TMC1: variants seen among roughly 807,000 people sequenced by gnomAD.
TMC1 encodes the protein transmembrane channel-like protein 1.
Under a neutral mutation model 105.8 loss-of-function variants are expected in TMC1, and 84 were observed. The observed-to-expected ratio is 0.79, with a 90% CI of 0.67 to 0.95. The LOEUF is 0.95. TMC1 is among the 40% of genes least tolerant of loss of function. TMC1 has a pLI of 0.00. For missense variants in TMC1, 817 were observed against 914.1 expected, an observed-to-expected ratio of 0.89 and a Z score of 1.37; for synonymous variants, 315 against 311.5, an observed-to-expected ratio of 1.01 and a Z score of -0.12.
At chr9:72,628,086 T>C (rs1564454710) in intron 4 of TMC1, 23 bp downstream of exon 4, 1 of 455,692 alleles carries the variant, frequency 2.2e-6, no homozygotes, top group Non-Finnish European at 4.4e-6. Context: ...CAGTTAAATA[T>C]TGAGCACGTT....
At chr9:72,745,768 C>T (rs1055619333) in intron 10 of TMC1, among the ~76,000 whole-genome samples, 5 of 152,130 alleles carry the variant, frequency 3.3e-5, no homozygotes, top group Non-Finnish European at 5.9e-5. Context: ...ATAGGACATG[C>T]AATGGATTTT....
intron 7 of TMC1, among the ~76,000 whole-genome samples, chr9:72,697,788 G>T (rs1450968649): frequency 6.6e-6 from 1 of 152,050 alleles, no homozygotes; most frequent in Non-Finnish European, 1.5e-5. Context: ...TGGTTGGCAA[G>T]TTAAAGGCTT....
chr9:72,722,506 C>T (rs1827044286), intron 8 of TMC1, among the ~76,000 whole-genome samples: 1 of 152,142 alleles, frequency 6.6e-6, no homozygotes, highest in Non-Finnish European at 1.5e-5. Flanking sequence ...ATTCATTTGG[C>T]TCTTCTGTTA....
At chr9:72,534,628 A>G (rs887761915) in intron 1 of TMC1, among the ~76,000 whole-genome samples, 1 of 152,230 alleles carries the variant, frequency 6.6e-6, no homozygotes, top group Non-Finnish European at 1.5e-5. Context: ...TTCAAAGGCT[A>G]TCATTAGAAA....
At chr9:72,657,213 C>T (rs770277646) in intron 5 of TMC1, among the ~76,000 whole-genome samples, 1 of 152,196 alleles carries the variant, frequency 6.6e-6, no homozygotes, top group African/African-American at 2.4e-5. Flanking sequence ...AGACCACAAG[C>T]CACTGTTTGG....
At chr9:72,522,383 G>A (rs1823328649) in intron 1 of TMC1, among the ~76,000 whole-genome samples, 1 of 152,184 alleles carries the variant, frequency 6.6e-6, no homozygotes, top group African/African-American at 2.4e-5. Context: ...TTACAGGCGT[G>A]AGCCACCGCA....
At chr9:72,559,379 C>G (rs896348799) in intron 1 of TMC1, among the ~76,000 whole-genome samples, 2 of 152,168 alleles carry the variant, frequency 1.3e-5, no homozygotes, top group African/African-American at 4.8e-5. Flanking sequence ...CAGGCGTGAG[C>G]CACTGTGCCT....
intron 1 of TMC1, among the ~76,000 whole-genome samples, chr9:72,535,728 TA>T (rs1461677342): frequency 6.6e-6 from 1 of 152,212 alleles, no homozygotes; most frequent in Non-Finnish European, 1.5e-5. Flanking sequence ...GGGCATTTGG[TA>T]AAAGCCTTAG....
At chr9:72,670,414 G>A (rs1200171807) in intron 5 of TMC1, among the ~76,000 whole-genome samples, 1 of 152,038 alleles carries the variant, frequency 6.6e-6, no homozygotes, top group African/African-American at 2.4e-5. Flanking sequence ...CTGTTTCCAG[G>A]TAACTTAAAT....
chr9:72,752,929 T>A (rs1827604196), intron 11 of TMC1, among the ~76,000 whole-genome samples: 1 of 152,200 alleles, frequency 6.6e-6, no homozygotes, highest in Non-Finnish European at 1.5e-5. Context: ...TTCTTTTACT[T>A]ACTGTGCGTC....
chr9:72,548,889 T>C (rs964430734), intron 1 of TMC1, among the ~76,000 whole-genome samples: 4 of 152,338 alleles, frequency 2.6e-5, no homozygotes, highest in Middle Eastern at 3.4e-3. Flanking sequence ...CTAAAGACGA[T>C]GTGCTGCTCC....
At chr9:72,603,871 T>C (rs1405185026) in intron 2 of TMC1, among the ~76,000 whole-genome samples, 1 of 143,714 alleles carries the variant, frequency 7.0e-6, no homozygotes, top group South Asian at 2.3e-4. Flanking sequence ...TTTTTTTTTT[T>C]TTTTTCTTTT....
intron 1 of TMC1, among the ~76,000 whole-genome samples, chr9:72,556,666 A>G (rs1446693468): frequency 4.6e-5 from 7 of 151,448 alleles, no homozygotes; most frequent in Non-Finnish European, 7.4e-5. Flanking sequence ...TGAAAATACA[A>G]AAAAAATTAG....
intron 17 of TMC1, among the ~76,000 whole-genome samples, chr9:72,801,277 G>A (rs980571823): frequency 7.9e-5 from 12 of 152,178 alleles, no homozygotes; most frequent in Admixed American, 5.9e-4. Context: ...TTTGGGGAAG[G>A]GGAGAAAGCA....
chr9:72,699,956 C>CAAAA lies in TMC1; in HGVS notation c.237-541_237-538dup, dbSNP rs61062887. Among the ~76,000 whole-genome samples the CAAAA allele has an allele frequency of 3.0e-3, 140 of 46,548 alleles. 2 individuals are homozygous for CAAAA. The highest frequency in any genetic ancestry group is 8.8e-3 in the African/African-American group (108 of 12,340). The allele number at this position is 46,548 out of a possible 152,430, so 30.5% of individuals were successfully genotyped here. ...TGGGCAACAGAACGAGACTCTGTCT[C>CAAAA]AAAAAAAAAAAAAAAAAAAAAAAAG... On this transcript the variant is annotated intron_variant, in intron 7 of 23. Coordinates refer to ENST00000297784, the MANE Select transcript of TMC1 (RefSeq NM_138691.3).
At chr9:72,773,379 G>A (rs1007819279) in intron 13 of TMC1, among the ~76,000 whole-genome samples, 1 of 152,016 alleles carries the variant, frequency 6.6e-6, no homozygotes, top group Non-Finnish European at 1.5e-5. Flanking sequence ...GGTCTAAGAG[G>A]GGAAAAGTGC....
chr9:72,796,084 TA>T (rs910596995), intron 17 of TMC1, among the ~76,000 whole-genome samples: 9 of 148,206 alleles, frequency 6.1e-5, no homozygotes, highest in East Asian at 4.0e-4. Flanking sequence ...CCAACAAAGA[TA>T]AAAAAAAGGC....
chr9:72,614,220 C>T (rs1395564781), intron 2 of TMC1, among the ~76,000 whole-genome samples: 2 of 152,134 alleles, frequency 1.3e-5, no homozygotes, highest in African/African-American at 4.8e-5. Flanking sequence ...AACAATGACA[C>T]ATGGAGGTCA....
intron 5 of TMC1, among the ~76,000 whole-genome samples, chr9:72,648,884 A>G (rs747422823): frequency 1.3e-5 from 2 of 152,136 alleles, no homozygotes; most frequent in African/African-American, 4.8e-5. Context: ...GAATGATTTC[A>G]CCAACTGGTA....
Sources: allele counts gnomAD v4.1 joint callset (sites outside exome capture counted in the v4.1 genomes callset), GRCh38; gene constraint gnomAD v4.1.1; transcripts MANE v1.5; gene names NCBI Gene and HGNC (gene_info 2026-07-23, HGNC 2026-07-21).